The following KCNAB2 variants were observed in gnomAD, a reference collection of about 807,000 sequenced individuals.
The protein encoded by KCNAB2 is potassium voltage-gated channel subfamily A regulatory beta subunit 2.
KCNAB2 carries 29 observed loss-of-function variants against 63.6 expected under a neutral mutation model. That is an observed-to-expected ratio of 0.46 (90% CI 0.34 to 0.62). KCNAB2 has a LOEUF of 0.62. KCNAB2 is among the 20% of genes least tolerant of loss of function. KCNAB2 has a pLI of 0.01. For synonymous variants in KCNAB2, 222 were observed against 224.2 expected (o/e 0.99, Z 0.09); for missense variants, 359 against 563.9 (o/e 0.64, Z 3.68).
chr1:6,064,323 G>A (rs1008122794), intron 2 of KCNAB2, among the ~76,000 whole-genome samples: 1 of 152,212 alleles, frequency 6.6e-6, no homozygotes, highest in African/African-American at 2.4e-5. Flanking sequence ...TGTCCTAGAC[G>A]GTGAGCGCCA....
At chr1:6,066,816 C>T (rs1662793659) in intron 2 of KCNAB2, among the ~76,000 whole-genome samples, 1 of 152,254 alleles carries the variant, frequency 6.6e-6, no homozygotes, top group African/African-American at 2.4e-5. Context: ...ATTCCTCTAG[C>T]AGGCGGGACT....
upstream of KCNAB2, among the ~76,000 whole-genome samples, chr1:6,042,850 C>A (rs1330747411): frequency 2.1e-5 from 2 of 96,552 alleles, no homozygotes; most frequent in Non-Finnish European, 4.0e-5. Context: ...CCCACCCCCC[C>A]CCCCGTTTGC....
chr1:6,070,147 G>C (rs1173385194), intron 2 of KCNAB2, among the ~76,000 whole-genome samples: 2 of 152,206 alleles, frequency 1.3e-5, no homozygotes, highest in African/African-American at 4.8e-5. Context: ...GACATATCTA[G>C]ACCAGTGGGG....
rs144504192 is a variant in KCNAB2, at chr1:6,085,124, C to A, written c.381-80C>A. On this transcript the variant is annotated intron_variant, in intron 5 of 15. Transcript: ENST00000378083. ...CCAGTGACATTTTCACAGAGGGAAC[C>A]AAGTGGCCAGTGGCCACAGTGGGTC... 1.3e-3 allele frequency: 1,799 copies of A among 1,432,278 alleles called. 12 individuals carry two copies. In the African/African-American group the frequency reaches 0.022, roughly 17 times the overall value. The allele number at this position is 1,432,278 out of a possible 1,614,324, so 88.7% of individuals were successfully genotyped here. A position where few individuals can be genotyped will look rare whatever the true frequency, so the allele number is the denominator to read the frequency against.
At chr1:6,012,790 A>T (rs1474531408) in intron 1 of KCNAB2, among the ~76,000 whole-genome samples, 1 of 151,238 alleles carries the variant, frequency 6.6e-6, no homozygotes, top group Non-Finnish European at 1.5e-5. Flanking sequence ...ATGGAGGGGC[A>T]GAGATCATGG....
chr1:6,046,011 C>T lies in KCNAB2; in HGVS notation c.-199C>T. ...CGCCCTAATAGAACTAATGGACTCG[C>T]TGCCTCAAAACTCGACTCTGGTGGG... On this transcript the variant is annotated 5_prime_UTR_variant, in exon 1 of 16. Coordinates refer to ENST00000378083, the MANE Select transcript of KCNAB2 (RefSeq NM_001199862.2). 2.0e-6 allele frequency: 2 copies of T among 985,444 alleles called. No individual in the cohort carries two copies. Among genetic ancestry groups the T allele is most frequent in the South Asian group, 4.7e-5 (1 of 21,284 alleles). 61.0% of individuals were successfully genotyped at this position (985,444 alleles called of 1,614,324 possible).
chr1:6,000,066 C>A (rs913730032), intron 1 of KCNAB2, among the ~76,000 whole-genome samples: 6 of 151,872 alleles, frequency 4.0e-5, no homozygotes, highest in Non-Finnish European at 2.9e-5. Flanking sequence ...GCCCCGTCCA[C>A]ACCCTGCCTG....
intron 6 of KCNAB2, chr1:6,085,726 C>T: frequency 3.2e-6 from 2 of 625,186 alleles, no homozygotes; most frequent in Non-Finnish European, 4.0e-6. Context: ...TCCCACCCTG[C>T]ACCTTGTCCA....
chr1:6,094,276 T>G (rs1665432798), intron 10 of KCNAB2, 124 bp from the exon 11 acceptor site: 3 of 699,056 alleles, frequency 4.3e-6, no homozygotes, highest in South Asian at 3.5e-5. Flanking sequence ...GTACACTGCT[T>G]GCAAGACATC....
At position 6,086,080 on chromosome 1, in the gene KCNAB2, C is replaced by G; in HGVS notation, c.425+832C>G. 1.0e-6 allele frequency: 1 copy of G among 985,462 alleles called. No individual in the cohort carries two copies. Among genetic ancestry groups the G allele is most frequent in the Non-Finnish European group, 1.2e-6 (1 of 829,948 alleles). 61.0% of individuals were successfully genotyped at this position (985,462 alleles called of 1,614,324 possible). A position where few individuals can be genotyped will look rare whatever the true frequency, so the allele number is the denominator to read the frequency against. On this transcript the variant is annotated intron_variant, in intron 6 of 15. Transcript: ENST00000378083. The surrounding 1 kb of genome is among the most constrained non-coding windows in gnomAD (Gnocchi z 4.2). Reference sequence around the variant, plus strand: ...TGCCTACATTTTGAGGCTCCCCAGACCCCTGGACACAGCTTTATCTCAAGG... The same window carrying G: ...TGCCTACATTTTGAGGCTCCCCAGAGCCCTGGACACAGCTTTATCTCAAGG...
chr1:6,066,654 C>T (rs1405744066), intron 2 of KCNAB2, among the ~76,000 whole-genome samples: 2 of 152,256 alleles, frequency 1.3e-5, no homozygotes, highest in Non-Finnish European at 2.9e-5. Flanking sequence ...CTCCCCTGGG[C>T]ACACAGGCTC....
intron 2 of KCNAB2, among the ~76,000 whole-genome samples, chr1:6,056,460 C>T (rs1157866418): frequency 6.6e-6 from 1 of 152,244 alleles, no homozygotes; most frequent in East Asian, 1.9e-4. Context: ...GTGAGGGCAG[C>T]TGGCCTAGCA....
chr1:6,002,192 C>T (rs1657297560), intron 1 of KCNAB2, among the ~76,000 whole-genome samples: 1 of 152,238 alleles, frequency 6.6e-6, no homozygotes. Flanking sequence ...CTGGCCGTGG[C>T]AGGCAGAGAG....
In KCNAB2 at chr1:6,087,545, G is replaced by C. The variant is rs200176919; in HGVS notation, c.470+34G>C. The C allele has an allele frequency of 3.1e-6, 5 of 1,612,252 alleles. No homozygotes were observed. In the East Asian group the frequency reaches 1.1e-4, roughly 36 times the overall value. ...AACAGCTGGCGATGCTTCCAGCCCC[G>C]GCCCAGCAGCCACGGCCCCGTGCTC... On this transcript the variant is annotated intron_variant, in intron 7 of 15. Transcript: ENST00000378083. This position sits in a 1 kb window ranked among gnomAD's most constrained non-coding sequence, Gnocchi z 6.4.
rs1041609138 is a variant in KCNAB2, at chr1:6,069,736, G to A, written c.219-3019G>A. On this transcript the variant is annotated intron_variant, in intron 2 of 15. Coordinates refer to ENST00000378083, the MANE Select transcript of KCNAB2 (RefSeq NM_001199862.2). This position sits in a 1 kb window ranked among gnomAD's most constrained non-coding sequence, Gnocchi z 5.4. ...CTTACAAAGCGTTCAGCCTGGAGGC[G>A]CCCTGTCCCTTCGCATCCCTTCTCC... is the stretch of plus-strand genomic sequence containing the variant. Among the ~76,000 whole-genome samples, 17 of 152,214 alleles carry A rather than the reference G, an allele frequency of 1.1e-4. No individual in the cohort carries two copies. The highest frequency in any genetic ancestry group is 2.1e-4 in the Non-Finnish European group (14 of 68,044).
intron 1 of KCNAB2, among the ~76,000 whole-genome samples, chr1:6,011,596 A>G (rs1345908042): frequency 6.6e-6 from 1 of 152,250 alleles, no homozygotes; most frequent in East Asian, 1.9e-4. Context: ...CTTGGACGTC[A>G]TGCTGACAGC....
chr1:6,052,920 A>G (rs1292860104), intron 2 of KCNAB2, among the ~76,000 whole-genome samples: 1 of 152,192 alleles, frequency 6.6e-6, no homozygotes, highest in Non-Finnish European at 1.5e-5. Flanking sequence ...TGGCAACACT[A>G]AATATCTGGC....
chr1:6,095,983 TG>T, intron 13 of KCNAB2: 1 of 423,300 alleles, frequency 2.4e-6, no homozygotes, highest in Non-Finnish European at 4.7e-6. Flanking sequence ...GGCTCCGAGA[TG>T]GGGGCTGCAA....
intron 1 of KCNAB2, among the ~76,000 whole-genome samples, chr1:6,038,727 T>G (rs1660254180): frequency 6.6e-6 from 1 of 152,186 alleles, no homozygotes; most frequent in African/African-American, 2.4e-5. Context: ...TCCCCTCCCT[T>G]ACTTTGATTT....
Sources: allele counts gnomAD v4.1 joint callset (sites outside exome capture counted in the v4.1 genomes callset), GRCh38; gene constraint gnomAD v4.1.1; non-coding constraint Gnocchi (gnomAD v3.1); transcripts MANE v1.5; gene names NCBI Gene and HGNC (gene_info 2026-07-23, HGNC 2026-07-21).